PPP1R1C: variants seen among roughly 807,000 people sequenced by gnomAD.
PPP1R1C encodes the protein protein phosphatase 1 regulatory inhibitor subunit 1C.
Under a neutral mutation model 17.4 loss-of-function variants are expected in PPP1R1C, and 15 were observed. The ratio of observed to expected loss-of-function variants is 0.86; its 90% CI spans 0.58 to 1.33. PPP1R1C has a LOEUF of 1.33. Ranked by LOEUF, PPP1R1C falls within the 40% of genes most tolerant of loss-of-function variation. PPP1R1C has a pLI of 0.00. For synonymous variants in PPP1R1C, 35 were observed against 43.1 expected, an observed-to-expected ratio of 0.81 and a Z score of 0.73; for missense variants, 143 against 130.0, an observed-to-expected ratio of 1.10 and a Z score of -0.48.
intron 1 of PPP1R1C, among the ~76,000 whole-genome samples, chr2:181,958,390 C>A (rs1374889516): frequency 1.3e-5 from 2 of 152,096 alleles, no homozygotes; most frequent in African/African-American, 4.8e-5. Context: ...AAGGACAGTC[C>A]CCTTGGTTTT....
chr2:182,118,271 G>A (rs1292506458), downstream of PPP1R1C, among the ~76,000 whole-genome samples: 1 of 152,064 alleles, frequency 6.6e-6, no homozygotes, highest in Non-Finnish European at 1.5e-5. Flanking sequence ...AAAAGATAAA[G>A]CATTAGCATA....
intron 2 of PPP1R1C, among the ~76,000 whole-genome samples, chr2:182,013,726 T>G (rs529803846): frequency 6.6e-6 from 1 of 152,174 alleles, no homozygotes; most frequent in African/African-American, 2.4e-5. Flanking sequence ...TTATCTATTC[T>G]TTTTCTTTTG....
At chr2:182,101,044 A>G (rs899220181) in intron 4 of PPP1R1C, among the ~76,000 whole-genome samples, 2 of 152,176 alleles carry the variant, frequency 1.3e-5, no homozygotes, top group Admixed American at 1.3e-4. Flanking sequence ...TGAAAGAACT[A>G]AACAGTAGAT....
At chr2:182,116,383 T>G (rs1348353204) in intron 4 of PPP1R1C, among the ~76,000 whole-genome samples, 2 of 152,018 alleles carry the variant, frequency 1.3e-5, no homozygotes, top group African/African-American at 4.8e-5. Context: ...TATGAGAAAG[T>G]CTATCTACAT....
chr2:182,038,031 T>C (rs1436062123), intron 2 of PPP1R1C, among the ~76,000 whole-genome samples: 2 of 151,968 alleles, frequency 1.3e-5, no homozygotes, highest in African/African-American at 4.8e-5. Context: ...TATATTTATA[T>C]GTATTTTATT....
At chr2:181,999,019 A>G (rs1685689814) in intron 2 of PPP1R1C, among the ~76,000 whole-genome samples, 1 of 152,186 alleles carries the variant, frequency 6.6e-6, no homozygotes, top group African/African-American at 2.4e-5. Flanking sequence ...CTTAGCCAAT[A>G]AAGGACAATT....
intron 2 of PPP1R1C, among the ~76,000 whole-genome samples, chr2:182,024,619 G>A (rs1294690899): frequency 3.3e-5 from 5 of 151,936 alleles, no homozygotes; most frequent in Non-Finnish European, 1.5e-5. Context: ...TATCTTGGGA[G>A]GCCGAGGTGG....
intron 1 of PPP1R1C, among the ~76,000 whole-genome samples, chr2:181,969,677 T>G (rs1454758692): frequency 6.6e-6 from 1 of 152,194 alleles, no homozygotes. Context: ...TTTCTGTTAT[T>G]TCTTTGAATA....
chr2:182,102,849 G>A (rs1235755919), intron 4 of PPP1R1C, among the ~76,000 whole-genome samples: 1 of 152,106 alleles, frequency 6.6e-6, no homozygotes, highest in Non-Finnish European at 1.5e-5. Context: ...GTCTTGCTAT[G>A]TTGCCCAGGC....
At chr2:182,056,410 C>G (rs1429194673) in intron 2 of PPP1R1C, among the ~76,000 whole-genome samples, 1 of 152,134 alleles carries the variant, frequency 6.6e-6, no homozygotes, top group African/African-American at 2.4e-5. Context: ...TTAGTCATCT[C>G]TTTTTGTATT....
chr2:182,059,945 C>T (rs1687801359), intron 2 of PPP1R1C, among the ~76,000 whole-genome samples: 1 of 152,034 alleles, frequency 6.6e-6, no homozygotes, highest in Non-Finnish European at 1.5e-5. Context: ...TATTAAGGAA[C>T]CCCACTGGCA....
chr2:182,123,151 G>T (rs143670543), intron 5 of PPP1R1C, among the ~76,000 whole-genome samples: 2,591 of 152,250 alleles, frequency 0.017, 39 homozygotes, highest in South Asian at 0.059. Context: ...ATGGTTTCCA[G>T]CTTCATCCAT....
At chr2:182,112,300 A>G (rs1316840876) in intron 4 of PPP1R1C, among the ~76,000 whole-genome samples, 1 of 152,052 alleles carries the variant, frequency 6.6e-6, no homozygotes, top group Non-Finnish European at 1.5e-5. Flanking sequence ...TCTAAATGCT[A>G]TTTCTAACTT....
At chr2:182,018,457 A>G (rs1311313718) in intron 2 of PPP1R1C, among the ~76,000 whole-genome samples, 1 of 152,214 alleles carries the variant, frequency 6.6e-6, no homozygotes, top group Non-Finnish European at 1.5e-5. Flanking sequence ...TTCATGGAAG[A>G]GTTGGAGTTA....
intron 2 of PPP1R1C, among the ~76,000 whole-genome samples, chr2:182,007,986 T>C (rs1393629160): frequency 6.6e-6 from 1 of 151,856 alleles, no homozygotes; most frequent in East Asian, 1.9e-4. Flanking sequence ...GAGAATGGCG[T>C]GAACCTAGGA....
intron 4 of PPP1R1C, among the ~76,000 whole-genome samples, chr2:182,065,809 A>T (rs553258404): frequency 1.3e-5 from 2 of 152,328 alleles, no homozygotes; most frequent in South Asian, 4.1e-4. Flanking sequence ...GTGAATTTTT[A>T]AATGACAGAT....
intron 2 of PPP1R1C, among the ~76,000 whole-genome samples, chr2:182,037,204 T>C (rs999780660): frequency 6.6e-6 from 1 of 152,226 alleles, no homozygotes; most frequent in Admixed American, 6.5e-5. Flanking sequence ...TGTTGACTCA[T>C]ATTTCTTTCA....
intron 4 of PPP1R1C, among the ~76,000 whole-genome samples, chr2:182,076,181 CTTTTTTTTTTCTTTTCTTTTTTT>C (rs1688293614): frequency 3.6e-4 from 17 of 47,486 alleles, no homozygotes; most frequent in African/African-American, 1.1e-3. Flanking sequence ...GGATTTTGAA[CTTTTTTTTTTCTTTTCTTTTTTT>C]TTTTTTTTTT....
intron 4 of PPP1R1C, among the ~76,000 whole-genome samples, chr2:182,082,556 G>A (rs577432290): frequency 2.0e-5 from 3 of 152,098 alleles, no homozygotes; most frequent in Non-Finnish European, 4.4e-5. Context: ...GGTCAATTCT[G>A]TCACTTGCAT....
Sources: allele counts gnomAD v4.1 joint callset (sites outside exome capture counted in the v4.1 genomes callset), GRCh38; gene constraint gnomAD v4.1.1; transcripts MANE v1.5; gene names NCBI Gene and HGNC (gene_info 2026-07-23, HGNC 2026-07-21).